Variants in CCDC14 observed in about 807,000 individuals in gnomAD.
CCDC14 encodes coiled-coil domain-containing protein 14.
CCDC14 carries 71 observed loss-of-function variants against 81.4 expected under a neutral mutation model. That is an observed-to-expected ratio of 0.87 (90% CI 0.72 to 1.06). CCDC14 has a LOEUF of 1.06. Among genes scored for constraint, CCDC14 ranks in the 50% least tolerant of loss-of-function variants. The probability of loss-of-function intolerance (pLI) is 0.00; values close to 1 mark genes in which losing one functional copy is unlikely to be tolerated. For synonymous variants in CCDC14, 332 were observed against 364.8 expected (o/e 0.91, Z 1.03); for missense variants, 1,046 against 1,047.3 (o/e 1.00, Z 0.02).
rs1393789724 is a variant in CCDC14 at position 123,947,087 on chromosome 3, T to C, written c.917A>G (p.Tyr306Cys). ...ETDLLKCIQT[Y>C]LSLFRSHGKE... is the part of the protein sequence containing the mutation. ...TCCATGAGATCGAAAAAGAGACAAATATGTTTGAATACATTTTAGTAGGTC... is the reference window on the plus strand; with the variant it reads ...TCCATGAGATCGAAAAAGAGACAAACATGTTTGAATACATTTTAGTAGGTC... The change falls in exon 8 of 13, where the codon TAT (tyrosine) becomes TGT (cysteine). Residue 306 changes from tyrosine (Y) to cysteine (C), a missense_variant. Tyr to Cys is a radical substitution (Grantham distance 194). Coordinates refer to ENST00000409697, the MANE Select transcript of CCDC14 (RefSeq NM_001366335.1). The C allele has an allele frequency of 1.9e-6, 3 of 1,613,978 alleles. No individual in the cohort carries two copies. The highest frequency in any genetic ancestry group is 2.2e-5 in the East Asian group (1 of 44,888).
At chr3:123,937,330 A>G (rs1302760834) in intron 9 of CCDC14, among the ~76,000 whole-genome samples, 3 of 152,136 alleles carry the variant, frequency 2.0e-5, no homozygotes, top group African/African-American at 7.2e-5. Flanking sequence ...TCACATCCCA[A>G]CATTTATTAA....
chr3:123,924,686 A>G (rs764106099), intron 12 of CCDC14, among the ~76,000 whole-genome samples: 7 of 152,194 alleles, frequency 4.6e-5, no homozygotes, highest in Non-Finnish European at 1.0e-4. Context: ...GGAAATGCAA[A>G]TTAAAACCAC....
chr3:123,906,961 T>A (rs1377837306), intron 5 of CCDC14, among the ~76,000 whole-genome samples: 4 of 152,210 alleles, frequency 2.6e-5, no homozygotes, highest in African/African-American at 9.6e-5. Context: ...TGTTATCAGA[T>A]CATCTTGGCC....
chr3:123,889,532 T>C, the CCDC14 span, among the ~76,000 whole-genome samples: 1 of 152,226 alleles, frequency 6.6e-6, no homozygotes, highest in Non-Finnish European at 1.5e-5. Flanking sequence ...TGAATTCATG[T>C]CTCACATCCA....
At position 123,947,823 on chromosome 3, in the gene CCDC14, TTAA is replaced by T. The variant is rs148529778; in HGVS notation, c.685-507_685-505del. On this transcript the variant is annotated intron_variant, in intron 7 of 12. Coordinates refer to ENST00000409697, the MANE Select transcript of CCDC14 (RefSeq NM_001366335.1). Reference sequence around the variant, plus strand: ...GTTTCTGATATTAAAAACTTGCTTATTAATAATAATATTAATTATAAGAAACTC... The same window carrying T: ...GTTTCTGATATTAAAAACTTGCTTATTAATAATATTAATTATAAGAAACTC... 2.4e-3 allele frequency among the ~76,000 whole-genome samples: 362 copies of T among 152,120 alleles called. 1 individual carries two copies. Among genetic ancestry groups the T allele is most frequent in the African/African-American group, 7.9e-3 (327 of 41,526 alleles).
intron 5 of CCDC14, among the ~76,000 whole-genome samples, chr3:123,907,799 G>T (rs1364785756): frequency 6.6e-6 from 1 of 151,592 alleles, no homozygotes; most frequent in Non-Finnish European, 1.5e-5. Flanking sequence ...CTGCTATCTG[G>T]AGTCTTAGCA....
At position 123,914,765 on chromosome 3, in the gene CCDC14, G is replaced by A. The variant is rs11551801; in HGVS notation, c.*14C>T. On this transcript the variant is annotated 3_prime_UTR_variant, in exon 13 of 13. Coordinates refer to ENST00000409697, the MANE Select transcript of CCDC14 (RefSeq NM_001366335.1). The stretch of plus-strand genomic sequence containing the variant: ...AGTTTTAAAAAGAAGCACCTGATGA[G>A]TTTTCTTCTGAATTCATTTCTCCAG... The A allele has an allele frequency of 0.68, 1,013,488 of 1,491,074 alleles. 360,750 individuals are homozygous for A. The highest frequency in any genetic ancestry group is 0.74 in the Non-Finnish European group (830,244 of 1,120,256). The allele number at this position is 1,491,074 out of a possible 1,614,324, so 92.4% of individuals were successfully genotyped here. A position where few individuals can be genotyped will look rare whatever the true frequency, so the allele number is the denominator to read the frequency against.
At position 123,931,392 on chromosome 3, in the gene CCDC14, AT is replaced by A; in HGVS notation, c.1560del (p.Lys520AsnfsTer24). On this transcript the variant is annotated frameshift_variant, in exon 11 of 13. Coordinates refer to ENST00000409697, the MANE Select transcript of CCDC14 (RefSeq NM_001366335.1). LOFTEE classifies it high-confidence loss of function. ...TCTTTGTCTTTAAATATACTACTAA[AT>A]TTTTTGTTTTCATCTTTCTGATTTT... ...VIENQKDENK[K>X]FSSIFKDKDQ... The A allele has an allele frequency of 6.5e-7, 1 of 1,531,838 alleles. No individual in the cohort carries two copies. The highest frequency in any genetic ancestry group is 8.9e-7 in the Non-Finnish European group (1 of 1,128,956). The allele number at this position is 1,531,838 out of a possible 1,614,324, so 94.9% of individuals were successfully genotyped here. A position where few individuals can be genotyped will look rare whatever the true frequency, so the allele number is the denominator to read the frequency against.
chr3:123,917,779 C>T (rs2034801054), intron 12 of CCDC14, among the ~76,000 whole-genome samples: 1 of 151,930 alleles, frequency 6.6e-6, no homozygotes, highest in African/African-American at 2.4e-5. Context: ...AGGAAACTGC[C>T]AATACATTTC....
intron 5 of CCDC14, among the ~76,000 whole-genome samples, chr3:123,904,988 A>G (rs1577202761): frequency 6.6e-6 from 1 of 152,202 alleles, no homozygotes; most frequent in Non-Finnish European, 1.5e-5. Flanking sequence ...ATGGTATTGC[A>G]CAGAGACAGG....
chr3:123,901,013 C>T (rs112547914), intron 5 of CCDC14, among the ~76,000 whole-genome samples: 14,052 of 152,024 alleles, frequency 0.092, 1,660 homozygotes, highest in East Asian at 0.47. Flanking sequence ...GCAGGCAGAT[C>T]GTGAGGTCAG....
At chr3:123,894,743 G>A (rs1259641894), downstream of CCDC14, among the ~76,000 whole-genome samples, 1 of 152,040 alleles carries the variant, frequency 6.6e-6, no homozygotes, top group Non-Finnish European at 1.5e-5. Flanking sequence ...TTCTTTTTCA[G>A]ATTATTTATT....
intron 12 of CCDC14, among the ~76,000 whole-genome samples, chr3:123,927,274 G>A (rs991171396): frequency 2.0e-5 from 3 of 149,886 alleles, no homozygotes; most frequent in Non-Finnish European, 4.4e-5. Context: ...AAAAATAGCT[G>A]GGCACAGTGG....
intron 10 of CCDC14, chr3:123,933,400 A>G (rs2035861597): frequency 5.2e-6 from 2 of 388,150 alleles, no homozygotes; most frequent in East Asian, 4.7e-5. Flanking sequence ...ATATAGTTCT[A>G]TTTGTGCCTG....
At chr3:123,944,407 A>C (rs916074425) in intron 9 of CCDC14, among the ~76,000 whole-genome samples, 2 of 152,046 alleles carry the variant, frequency 1.3e-5, no homozygotes, top group African/African-American at 4.8e-5. Flanking sequence ...TTTCCTAGAC[A>C]ACACATACTG....
At position 123,914,637 on chromosome 3, in the gene CCDC14, C is replaced by G; in HGVS notation, c.*142G>C. 1.5e-6 allele frequency: 2 copies of G among 1,356,680 alleles called. No homozygotes were observed. Among genetic ancestry groups the G allele is most frequent in the Non-Finnish European group, 9.5e-7 (1 of 1,057,156 alleles). The allele number at this position is 1,356,680 out of a possible 1,614,324, so 84.0% of individuals were successfully genotyped here. On this transcript the variant is annotated 3_prime_UTR_variant, in exon 13 of 13. Transcript: ENST00000409697. Reference sequence around the variant, plus strand: ...TATAAGCTCCTCAGTGTCAATATATCTCAACAATACATTTATTACTTGTAC... The same window carrying G: ...TATAAGCTCCTCAGTGTCAATATATGTCAACAATACATTTATTACTTGTAC...
intron 10 of CCDC14, 74 bp from the exon 11 acceptor site, chr3:123,931,600 T>TAAACA: frequency 1.9e-6 from 1 of 527,168 alleles, no homozygotes; most frequent in Non-Finnish European, 3.0e-6. Context: ...ACCTGTTTCT[T>TAAACA]AAAAAAAAAA....
chr3:123,945,029 AT>A (rs35163128), intron 8 of CCDC14, 39 bp from the exon 9 acceptor site: 3 of 1,448,500 alleles, frequency 2.1e-6, no homozygotes, highest in Non-Finnish European at 1.9e-6. Flanking sequence ...TCAATATTAT[AT>A]TTTTGGACAA....
chr3:123,952,881 T>C (rs978854646), intron 5 of CCDC14: 4 of 211,352 alleles, frequency 1.9e-5, no homozygotes, highest in Non-Finnish European at 3.1e-5. Context: ...GTATTATTGG[T>C]TAACAGCTGC....
Sources: allele counts gnomAD v4.1 joint callset (sites outside exome capture counted in the v4.1 genomes callset), GRCh38; gene constraint gnomAD v4.1.1; transcripts MANE v1.5; gene names NCBI Gene and HGNC (gene_info 2026-07-23, HGNC 2026-07-21).